LRRC8D: variants seen among roughly 807,000 people sequenced by gnomAD.
The protein encoded by LRRC8D is volume-regulated anion channel subunit LRRC8D.
In LRRC8D, 20 loss-of-function variants were observed where a neutral mutation model predicts 55.8. The observed-to-expected ratio is 0.36, with a 90% confidence interval of 0.25 to 0.52. LRRC8D has a LOEUF of 0.52. LRRC8D is among the 20% of genes least tolerant of loss of function. LRRC8D has a pLI of 0.93. For missense variants in LRRC8D, 651 were observed against 1,030.8 expected (o/e 0.63, Z 5.05); for synonymous variants, 352 against 377.0 (o/e 0.93, Z 0.77).
intron 2 of LRRC8D, among the ~76,000 whole-genome samples, chr1:89,901,165 T>G (rs1257810199): frequency 6.6e-6 from 1 of 152,174 alleles, no homozygotes; most frequent in African/African-American, 2.4e-5. Context: ...CAGGCAGCAT[T>G]GGGGCAGGAG....
At chr1:89,867,156 A>T (rs1661872003) in intron 2 of LRRC8D, among the ~76,000 whole-genome samples, 1 of 152,202 alleles carries the variant, frequency 6.6e-6, no homozygotes, top group Non-Finnish European at 1.5e-5. Flanking sequence ...GTCCCCAGTT[A>T]ACATCATTCT....
rs777659777 is a variant in LRRC8D, at chr1:89,935,276, G to A, written c.2208G>A (p.Val736=). 12 of 1,614,150 alleles carry A rather than the reference G, an allele frequency of 7.4e-6. No homozygotes were observed. The highest frequency in any genetic ancestry group is 1.7e-5 in the Admixed American group (1 of 60,030). Residue 736 remains valine, a synonymous_variant, in exon 3 of 3, where the codon GTG becomes GTA. Transcript: ENST00000337338. ...FSLQKLRCLD[V]SYNNISMIPI... is the part of the protein sequence containing the mutation. ...TACAGAAACTCAGATGCTTAGATGT[G>A]AGCTACAACAACATTTCAATGATTC...
rs1222744336 is a variant in LRRC8D at position 89,933,052 on chromosome 1, C to T, written c.-2-15C>T. The T allele has an allele frequency of 1.3e-6, 2 of 1,594,384 alleles. No homozygotes were observed. The highest frequency in any genetic ancestry group is 4.5e-5 in the East Asian group (2 of 44,434). ...GCATCTCTAGAATAATGTCTTTTGT[C>T]TTCTTGTTTTCTAGGAATGTTTACC... On this transcript the variant is annotated splice_polypyrimidine_tract_variant and intron_variant, in intron 2 of 2. Coordinates refer to ENST00000337338, the MANE Select transcript of LRRC8D (RefSeq NM_001134479.2). This position sits in a 1 kb window ranked among gnomAD's most constrained non-coding sequence, Gnocchi z 7.0.
intron 2 of LRRC8D, among the ~76,000 whole-genome samples, chr1:89,902,359 T>C (rs1400973360): frequency 6.6e-6 from 1 of 152,148 alleles, no homozygotes; most frequent in Admixed American, 6.5e-5. Context: ...TTTTCAGAGC[T>C]GCCCCAAACC....
At chr1:89,908,199 A>G (rs191996611) in intron 2 of LRRC8D, among the ~76,000 whole-genome samples, 3 of 152,308 alleles carry the variant, frequency 2.0e-5, no homozygotes, top group African/African-American at 7.2e-5. Context: ...GAAACTGGCA[A>G]AGCCACCTTA....
intron 2 of LRRC8D, among the ~76,000 whole-genome samples, chr1:89,903,562 G>C (rs1267481542): frequency 9.2e-5 from 14 of 152,182 alleles, no homozygotes; most frequent in Admixed American, 8.5e-4. Context: ...TTAGCAGAAA[G>C]GGTGGTATTA....
At chr1:89,901,015 T>A (rs1662835566) in intron 2 of LRRC8D, among the ~76,000 whole-genome samples, 1 of 152,216 alleles carries the variant, frequency 6.6e-6, no homozygotes, top group South Asian at 2.1e-4. Context: ...CTCTACAGCA[T>A]CCTGATAACA....
At chr1:89,857,183 G>C (rs1447144674) in intron 2 of LRRC8D, among the ~76,000 whole-genome samples, 2 of 151,996 alleles carry the variant, frequency 1.3e-5, no homozygotes, top group Non-Finnish European at 2.9e-5. Context: ...GGGAGTTCAA[G>C]ACCAGCCTGA....
chr1:89,935,576 T>C lies in LRRC8D; in HGVS notation c.2508T>C (p.Asp836=), dbSNP rs772078510. 4.7e-5 allele frequency: 76 copies of C among 1,614,000 alleles called. No homozygotes were observed. The highest frequency in any genetic ancestry group is 6.1e-5 in the Non-Finnish European group (72 of 1,180,034). ...TTGTTGTGGAAGATCACCTTTTTGATACCCTGCCACTCGAAGTCAAAGAGG... is the reference window on the plus strand; with the variant it reads ...TTGTTGTGGAAGATCACCTTTTTGACACCCTGCCACTCGAAGTCAAAGAGG... ...SGLVVEDHLF[D]TLPLEVKEAL... Residue 836 remains aspartate (D), a synonymous_variant, in exon 3 of 3, where the codon GAT becomes GAC. Coordinates refer to ENST00000337338, the MANE Select transcript of LRRC8D (RefSeq NM_001134479.2).
chr1:89,872,485 G>T (rs1344709474), intron 2 of LRRC8D, among the ~76,000 whole-genome samples: 1 of 152,200 alleles, frequency 6.6e-6, no homozygotes, highest in African/African-American at 2.4e-5. Context: ...GAACAGGCAA[G>T]ACATGAACCA....
intron 2 of LRRC8D, among the ~76,000 whole-genome samples, chr1:89,918,574 G>A (rs764897185): frequency 5.3e-5 from 8 of 152,204 alleles, no homozygotes; most frequent in Non-Finnish European, 8.8e-5. Context: ...CTAAAATGGT[G>A]TTTGTTTGCC....
At chr1:89,835,481 G>A (rs1034084783) in intron 1 of LRRC8D, among the ~76,000 whole-genome samples, 2 of 152,210 alleles carry the variant, frequency 1.3e-5, no homozygotes, top group African/African-American at 2.4e-5. Context: ...AATCTAGAAT[G>A]TGGGATGGCT....
intron 2 of LRRC8D, among the ~76,000 whole-genome samples, chr1:89,851,393 G>T (rs985692314): frequency 6.6e-6 from 1 of 152,028 alleles, no homozygotes; most frequent in Non-Finnish European, 1.5e-5. Flanking sequence ...CAGTTTAGTG[G>T]GTCTTATTCT....
chr1:89,830,803 T>C (rs923808256), intron 1 of LRRC8D, among the ~76,000 whole-genome samples: 17 of 152,092 alleles, frequency 1.1e-4, no homozygotes, highest in Non-Finnish European at 1.9e-4. Context: ...CCAAACAAAA[T>C]AGCTTTGTGG....
chr1:89,861,207 A>G (rs762321515), intron 2 of LRRC8D, among the ~76,000 whole-genome samples: 8 of 152,198 alleles, frequency 5.3e-5, no homozygotes, highest in Non-Finnish European at 1.2e-4. Flanking sequence ...GTGCTAGAAA[A>G]GCCCATGCTT....
intron 2 of LRRC8D, among the ~76,000 whole-genome samples, chr1:89,916,414 AT>A (rs1485789372): frequency 2.0e-5 from 3 of 152,222 alleles, no homozygotes; most frequent in Non-Finnish European, 1.5e-5. Flanking sequence ...ATTTAGCCAA[AT>A]TTACCAATTT....
chr1:89,871,801 A>G (rs1441696603), intron 2 of LRRC8D, among the ~76,000 whole-genome samples: 1 of 152,186 alleles, frequency 6.6e-6, no homozygotes, highest in African/African-American at 2.4e-5. Flanking sequence ...TTATTTCAAT[A>G]CCTTCAGTGG....
intron 1 of LRRC8D, chr1:89,822,335 T>A (rs1660655890): frequency 6.6e-6 from 1 of 152,524 alleles, no homozygotes; most frequent in Non-Finnish European, 1.5e-5. Flanking sequence ...GGCGGAGAGA[T>A]GGGGAATAGG....
Position 89,903,299 on chromosome 1 carries a change from A to G in LRRC8D, c.-2-29768A>G, listed in dbSNP as rs562189823. 7.2e-5 allele frequency among the ~76,000 whole-genome samples: 11 copies of G among 152,318 alleles called. No homozygotes were observed. The East Asian group carries it at 9.6e-4, about 13-fold the overall frequency. ...CTGATTTTGAGTTTCTTTCTTTCAC[A>G]GTGAAAGTTGTTTGAATTGTTAATG... On this transcript the variant is annotated intron_variant, in intron 2 of 2. Coordinates refer to ENST00000337338, the MANE Select transcript of LRRC8D (RefSeq NM_001134479.2).
Sources: allele counts gnomAD v4.1 joint callset (sites outside exome capture counted in the v4.1 genomes callset), GRCh38; gene constraint gnomAD v4.1.1; non-coding constraint Gnocchi (gnomAD v3.1); transcripts MANE v1.5; gene names NCBI Gene and HGNC (gene_info 2026-07-23, HGNC 2026-07-21).